Variants in PRAG1 observed in about 807,000 individuals in gnomAD.
PRAG1 encodes the protein inactive tyrosine-protein kinase PRAG1.
PRAG1 carries 110 observed loss-of-function variants against 95.6 expected under a neutral mutation model. The ratio of observed to expected loss-of-function variants is 1.15; its 90% CI spans 0.99 to 1.35. PRAG1 has a LOEUF of 1.35. PRAG1 is among the 40% of genes most tolerant of loss of function. The pLI, the probability that PRAG1 is intolerant of heterozygous loss-of-function variation, is 0.00. For missense variants in PRAG1, 2,554 were observed against 1,864.7 expected (o/e 1.37, Z -6.81); for synonymous variants, 1,052 against 819.4 (o/e 1.28, Z -4.85).
Position 8,328,046 on chromosome 8 carries a change from G to A in PRAG1, c.2736C>T (p.Cys912=). 1 of 1,590,178 alleles carries A rather than the reference G, an allele frequency of 6.3e-7. No homozygotes were observed. The highest frequency in any genetic ancestry group is 8.6e-7 in the Non-Finnish European group (1 of 1,167,594). Reference sequence around the variant, plus strand: ...AGGATGAGGCGGAGGGGGCCCCTTTGCACTGGAGGCCAGGGCTCCCGCAGC... The same window carrying A: ...AGGATGAGGCGGAGGGGGCCCCTTTACACTGGAGGCCAGGGCTCCCGCAGC... ...RGGCGSPGLQ[C]KGAPSASSSQ... Residue 912 remains cysteine (C), a synonymous_variant, in exon 5 of 6, where the codon TGC becomes TGT. Transcript: ENST00000615670.
chr8:8,325,513 T>C (rs1421820879), intron 5 of PRAG1, among the ~76,000 whole-genome samples: 2 of 152,188 alleles, frequency 1.3e-5, no homozygotes, highest in Non-Finnish European at 2.9e-5. Flanking sequence ...TTAAGGAAAG[T>C]TAAATTTCTT....
chr8:8,319,619 G>A (rs1392730364), intron 5 of PRAG1, among the ~76,000 whole-genome samples: 1 of 152,134 alleles, frequency 6.6e-6, no homozygotes, highest in Non-Finnish European at 1.5e-5. Context: ...AATAGACTGG[G>A]AGAAAATATC....
At chr8:8,343,483 C>CAGAAG (rs1799236720) in intron 3 of PRAG1, among the ~76,000 whole-genome samples, 1 of 151,790 alleles carries the variant, frequency 6.6e-6, no homozygotes, top group Non-Finnish European at 1.5e-5. Flanking sequence ...TTTAACAAAA[C>CAGAAG]AGAACAGAAC....
In PRAG1 at chr8:8,381,594, C is replaced by A; in HGVS notation, c.154G>T (p.Gly52Cys). 1 of 1,614,050 alleles carries A rather than the reference C, an allele frequency of 6.2e-7. No individual in the cohort carries two copies. The highest frequency in any genetic ancestry group is 2.2e-5 in the East Asian group (1 of 44,876). Residue 52 changes from glycine to cysteine, a missense_variant, in exon 2 of 6, where the codon GGC becomes TGC. Physicochemically the swap from Gly to Cys is radical, Grantham distance 159 (BLOSUM62 -3). Transcript: ENST00000615670. The stretch of plus-strand genomic sequence containing the variant: ...AGGCGCGGTGGAGGGGGCAGGCTGC[C>A]CGCTCTGGGCTGGGGAGGGCCGGCC... ...LVAGPPQPRA[G>C]SLPPPPRLPP...
At chr8:8,345,735 C>T (rs940775773) in intron 3 of PRAG1, among the ~76,000 whole-genome samples, 19 of 152,254 alleles carry the variant, frequency 1.2e-4, no homozygotes, top group Non-Finnish European at 2.5e-4. Context: ...GCGGAGGTTG[C>T]AGTGAGCTGA....
intron 3 of PRAG1, among the ~76,000 whole-genome samples, chr8:8,353,085 A>G (rs139224413): frequency 6.6e-6 from 1 of 152,370 alleles, no homozygotes; most frequent in East Asian, 1.9e-4. Flanking sequence ...ATTAATGAAC[A>G]TAAAAGAAGA....
chr8:8,324,254 G>A (rs1261471388), intron 5 of PRAG1, among the ~76,000 whole-genome samples: 1 of 152,190 alleles, frequency 6.6e-6, no homozygotes, highest in East Asian at 1.9e-4. Flanking sequence ...TTTTTCTCAG[G>A]GGTATGAAAA....
intron 4 of PRAG1, among the ~76,000 whole-genome samples, chr8:8,336,113 G>C (rs781100325): frequency 6.6e-6 from 1 of 152,144 alleles, no homozygotes; most frequent in Non-Finnish European, 1.5e-5. Context: ...TATATGAACT[G>C]TATTTTCAGA....
intron 3 of PRAG1, among the ~76,000 whole-genome samples, chr8:8,375,418 G>T (rs549787632): frequency 1.3e-5 from 2 of 152,174 alleles, no homozygotes; most frequent in East Asian, 3.9e-4. Context: ...TAGCCAGGAT[G>T]GTCTCGATCT....
chr8:8,344,659 A>C (rs938527295), intron 3 of PRAG1, among the ~76,000 whole-genome samples: 1 of 152,236 alleles, frequency 6.6e-6, no homozygotes, highest in African/African-American at 2.4e-5. Context: ...TCTGAACTTC[A>C]CTGCATGCTT....
intron 1 of PRAG1, among the ~76,000 whole-genome samples, chr8:8,382,703 A>G (rs1407045824): frequency 6.6e-6 from 1 of 152,246 alleles, no homozygotes; most frequent in African/African-American, 2.4e-5. Flanking sequence ...AACAGTTTGC[A>G]CCATGGTCCC....
intron 4 of PRAG1, among the ~76,000 whole-genome samples, chr8:8,333,880 G>A (rs1243766020): frequency 6.6e-6 from 1 of 152,182 alleles, no homozygotes; most frequent in Non-Finnish European, 1.5e-5. Flanking sequence ...CTGTGCCCTG[G>A]GGCCCTAGTG....
At chr8:8,342,226 C>T (rs1799192040) in intron 3 of PRAG1, among the ~76,000 whole-genome samples, 1 of 146,364 alleles carries the variant, frequency 6.8e-6, no homozygotes, top group Non-Finnish European at 1.5e-5. Flanking sequence ...TGGAGTCTTG[C>T]TCTGTTGCCC....
intron 2 of PRAG1, among the ~76,000 whole-genome samples, chr8:8,381,066 G>A (rs1029883049): frequency 3.9e-5 from 6 of 151,976 alleles, no homozygotes; most frequent in African/African-American, 7.3e-5. Flanking sequence ...GGTATTGGGT[G>A]CATGCAATTC....
Position 8,328,276 on chromosome 8 carries a change from C to T in PRAG1, c.2506G>A (p.Gly836Ser), listed in dbSNP as rs751544456. Residue 836 changes from glycine to serine, a missense_variant, in exon 5 of 6, where the codon GGC (glycine) becomes AGC (serine). Physicochemically the swap from Gly to Ser is moderately conservative, Grantham distance 56. Coordinates refer to ENST00000615670, the MANE Select transcript of PRAG1 (RefSeq NM_001080826.3). Reference sequence around the variant, plus strand: ...CTTGCTGTTCCGGGCTTGGGGGAGCCTTGGGTCCAGAAGAAGCCATCCGGT... The same window carrying T: ...CTTGCTGTTCCGGGCTTGGGGGAGCTTTGGGTCCAGAAGAAGCCATCCGGT... ...SSPDGFFWTQ[G>S]SPKPGTASPK... 1 of 1,614,026 alleles carries T rather than the reference C, an allele frequency of 6.2e-7. No homozygotes were observed. Among genetic ancestry groups the T allele is most frequent in the South Asian group, 1.1e-5 (1 of 91,072 alleles).
chr8:8,333,085 C>G (rs1798873670), intron 4 of PRAG1, among the ~76,000 whole-genome samples: 1 of 152,238 alleles, frequency 6.6e-6, no homozygotes, highest in African/African-American at 2.4e-5. Context: ...GGACATGAGA[C>G]TAACTCAGAC....
intron 3 of PRAG1, among the ~76,000 whole-genome samples, chr8:8,375,570 T>C (rs1482081703): frequency 6.6e-6 from 1 of 152,202 alleles, no homozygotes; most frequent in Non-Finnish European, 1.5e-5. Flanking sequence ...TTTCTGCTTT[T>C]GGCCCCAAGA....
At chr8:8,340,044 T>C (rs952033168) in intron 3 of PRAG1, among the ~76,000 whole-genome samples, 7 of 152,244 alleles carry the variant, frequency 4.6e-5, no homozygotes, top group African/African-American at 1.7e-4. Flanking sequence ...TTTTGCAAGA[T>C]CCCAGGACAA....
intron 3 of PRAG1, among the ~76,000 whole-genome samples, chr8:8,359,264 A>AT (rs1163400779): frequency 2.0e-5 from 3 of 152,084 alleles, no homozygotes; most frequent in African/African-American, 4.8e-5. Context: ...TAAAAGGAGA[A>AT]TTTTTTCTGA....
Sources: gnomAD v4.1 joint callset for allele counts (sites outside exome capture counted in the v4.1 genomes callset) on GRCh38, gnomAD v4.1.1 for gene constraint, MANE v1.5 for transcripts, NCBI Gene and HGNC (gene_info 2026-07-23, HGNC 2026-07-21) for gene names.